Variants in CFAP54 observed in about 807,000 individuals in gnomAD.
CFAP54 encodes cilia- and flagella-associated protein 54.
CFAP54 carries 290 observed loss-of-function variants against 370.4 expected under a neutral mutation model. The ratio of observed to expected loss-of-function variants is 0.78; its 90% CI spans 0.71 to 0.86. The LOEUF is 0.86. Among genes scored for constraint, CFAP54 ranks in the 40% least tolerant of loss-of-function variants. The pLI is 0.00. For missense variants in CFAP54, 3,399 were observed against 3,528.7 expected (o/e 0.96, Z 0.93); for synonymous variants, 1,206 against 1,236.5 (o/e 0.98, Z 0.52).
rs754313435 is a variant in CFAP54 at position 96,840,616 on chromosome 12, C to CTCTTTTTTTT, written c.9171+11529_9171+11530insCTTTTTTTTT. On this transcript the variant is annotated intron_variant, in intron 66 of 67. Coordinates refer to ENST00000524981, the MANE Select transcript of CFAP54 (RefSeq NM_001306084.2). ...GAGCTACAGACTTTCTTTCTTTTCT[C>CTCTTTTTTTT]TGTTTCTTTCTTTTTTTTTTTTTTT... is the stretch of plus-strand genomic sequence containing the variant. Among the ~76,000 whole-genome samples, 2 of 93,372 alleles carry CTCTTTTTTTT rather than the reference C, an allele frequency of 2.1e-5. 1 individual carries two copies. Among genetic ancestry groups the CTCTTTTTTTT allele is most frequent in the Non-Finnish European group, 4.1e-5 (2 of 48,948 alleles). 61.3% of individuals were successfully genotyped at this position (93,372 alleles called of 152,430 possible). A position where few individuals can be genotyped will look rare whatever the true frequency, so the allele number is the denominator to read the frequency against.
At chr12:96,587,521 G>C (rs555835395) in intron 22 of CFAP54, among the ~76,000 whole-genome samples, 1 of 152,158 alleles carries the variant, frequency 6.6e-6, no homozygotes, top group South Asian at 2.1e-4. Context: ...TCACTACCAG[G>C]ACCAGGTTAA....
rs1250329586 is a variant in CFAP54 at position 96,591,726 on chromosome 12, A to G, written c.3213-764A>G. Among the ~76,000 whole-genome samples the G allele has an allele frequency of 1.4e-4, 22 of 151,892 alleles. 1 individual carries two copies. The highest frequency in any genetic ancestry group is 1.4e-3 in the Admixed American group (21 of 15,250). On this transcript the variant is annotated intron_variant, in intron 23 of 67. Coordinates refer to ENST00000524981, the MANE Select transcript of CFAP54 (RefSeq NM_001306084.2). ...AACACGGTGAAACCCCGTCTCTACT[A>G]AAAATACAAAAAAAATTAGCCGGGC... is the stretch of plus-strand genomic sequence containing the variant.
intron 33 of CFAP54, chr12:96,646,596 T>C (rs1956795083): frequency 6.6e-6 from 1 of 152,188 alleles, no homozygotes. Flanking sequence ...GCCATCCCAT[T>C]ACTGGGTATA....
chr12:96,497,885 T>C (rs1158469106), intron 1 of CFAP54, among the ~76,000 whole-genome samples: 1 of 152,214 alleles, frequency 6.6e-6, no homozygotes, highest in East Asian at 1.9e-4. Flanking sequence ...ACAAAGATAG[T>C]GTGTTCATCT....
chr12:96,726,144 G>A (rs1213722560), intron 50 of CFAP54, among the ~76,000 whole-genome samples: 1 of 149,526 alleles, frequency 6.7e-6, no homozygotes, highest in East Asian at 1.9e-4. Flanking sequence ...TCTCTTTTTT[G>A]GTTGTGTCTC....
intron 67 of CFAP54, among the ~76,000 whole-genome samples, chr12:96,869,986 G>A (rs1171135466): frequency 1.3e-5 from 2 of 150,634 alleles, no homozygotes; most frequent in African/African-American, 2.4e-5. Flanking sequence ...CATTTAGGCC[G>A]GGCATGGTGG....
chr12:96,765,558 C>T (rs972743551), intron 60 of CFAP54, among the ~76,000 whole-genome samples: 3 of 152,180 alleles, frequency 2.0e-5, no homozygotes, highest in African/African-American at 4.8e-5. Flanking sequence ...CATGCACTCT[C>T]CCACTCTGAT....
chr12:96,552,894 C>T (rs1955710291), intron 15 of CFAP54, among the ~76,000 whole-genome samples: 1 of 152,122 alleles, frequency 6.6e-6, no homozygotes, highest in Non-Finnish European at 1.5e-5. Context: ...GGGGCATTTG[C>T]ATGAATTTGT....
chr12:96,548,998 GC>G (rs892846517), intron 15 of CFAP54, among the ~76,000 whole-genome samples: 1 of 152,136 alleles, frequency 6.6e-6, no homozygotes, highest in Non-Finnish European at 1.5e-5. Flanking sequence ...GAGACTACAG[GC>G]ATGTGCCACC....
At chr12:96,804,879 A>G (rs548414505) in intron 63 of CFAP54, among the ~76,000 whole-genome samples, 12 of 152,288 alleles carry the variant, frequency 7.9e-5, no homozygotes, top group Non-Finnish European at 1.5e-4. Context: ...AACAAATGGT[A>G]CTGGTATAAA....
At chr12:96,503,094 TTCTCTC>T (rs148470161) in intron 2 of CFAP54, among the ~76,000 whole-genome samples, 1 of 140,294 alleles carries the variant, frequency 7.1e-6, no homozygotes. Flanking sequence ...CTTTCTTTCT[TTCTCTC>T]TCTCTCCTTC....
chr12:96,673,075 A>C (rs980468055), intron 39 of CFAP54, among the ~76,000 whole-genome samples: 2 of 152,238 alleles, frequency 1.3e-5, no homozygotes, highest in Admixed American at 6.5e-5. Flanking sequence ...CAGTTTGAGC[A>C]GTCATTAGAA....
chr12:96,621,875 G>GTTTGTTTTTTTTTTTTTTTTTTTTTT lies in CFAP54; in HGVS notation c.3771+157_3771+158insGTTTTTTTTTTTTTTTTTTTTTTTTT, dbSNP rs1956496257. ...ATTATAGTAAAGAGCTTTTGGGTTTGTTTTTTTTTTTTTTTTTTTTTTTTT... is the reference window on the plus strand; with the variant it reads ...ATTATAGTAAAGAGCTTTTGGGTTTGTTTGTTTTTTTTTTTTTTTTTTTTTTTTTTTTTTTTTTTTTTTTTTTTTTT... On this transcript the variant is annotated intron_variant, in intron 27 of 67. Transcript: ENST00000524981. Among the ~76,000 whole-genome samples the GTTTGTTTTTTTTTTTTTTTTTTTTTT allele has an allele frequency of 1.4e-4, 7 of 50,022 alleles. 1 individual carries two copies. Among genetic ancestry groups the GTTTGTTTTTTTTTTTTTTTTTTTTTT allele is most frequent in the Non-Finnish European group, 2.0e-4 (6 of 30,230 alleles). 32.8% of individuals were successfully genotyped at this position (50,022 alleles called of 152,430 possible). A position where few individuals can be genotyped will look rare whatever the true frequency, so the allele number is the denominator to read the frequency against.
At chr12:96,665,765 T>G (rs1310874785) in intron 39 of CFAP54, among the ~76,000 whole-genome samples, 1 of 152,236 alleles carries the variant, frequency 6.6e-6, no homozygotes. Context: ...TGCCTCCAGC[T>G]TTGTCCTTTT....
intron 19 of CFAP54, among the ~76,000 whole-genome samples, chr12:96,565,635 G>A (rs937798334): frequency 6.6e-6 from 1 of 151,948 alleles, no homozygotes; most frequent in Admixed American, 6.6e-5. Context: ...AAGAGGGAAA[G>A]GTTAATACAC....
At chr12:96,828,347 G>C (rs539549522) in intron 65 of CFAP54, among the ~76,000 whole-genome samples, 1 of 151,914 alleles carries the variant, frequency 6.6e-6, no homozygotes, top group Admixed American at 6.6e-5. Flanking sequence ...CGGATCAGGA[G>C]CCAAGACTGT....
At chr12:96,732,739 A>G (rs1403041150) in intron 50 of CFAP54, among the ~76,000 whole-genome samples, 2 of 152,336 alleles carry the variant, frequency 1.3e-5, no homozygotes, top group East Asian at 3.9e-4. Context: ...TCATATGTAT[A>G]GCTATCTTTA....
intron 48 of CFAP54, among the ~76,000 whole-genome samples, chr12:96,715,740 A>G (rs915162599): frequency 6.6e-6 from 1 of 152,202 alleles, no homozygotes; most frequent in Non-Finnish European, 1.5e-5. Context: ...GACAAAAGGC[A>G]CTTTTGGCTT....
intron 26 of CFAP54, among the ~76,000 whole-genome samples, chr12:96,610,637 G>A (rs1214683122): frequency 6.6e-6 from 1 of 152,236 alleles, no homozygotes; most frequent in African/African-American, 2.4e-5. Context: ...CCGTTTCCTA[G>A]CCAAGGGAAG....
Sources: gnomAD v4.1 joint callset for allele counts (sites outside exome capture counted in the v4.1 genomes callset) on GRCh38, gnomAD v4.1.1 for gene constraint, MANE v1.5 for transcripts, NCBI Gene and HGNC (gene_info 2026-07-23, HGNC 2026-07-21) for gene names.